The following PSD3 variants were observed in gnomAD, a reference collection of about 807,000 sequenced individuals.
The protein encoded by PSD3 is PH and SEC7 domain-containing protein 3.
A neutral mutation model predicts 105.5 loss-of-function variants in PSD3; 49 were observed. The ratio of observed to expected loss-of-function variants is 0.46; its 90% confidence interval spans 0.37 to 0.59. The LOEUF (loss-of-function observed/expected upper bound fraction) is 0.59. Among genes scored for constraint, PSD3 ranks in the 20% least tolerant of loss-of-function variants. The pLI is 0.00. For synonymous variants in PSD3, 557 were observed against 457.8 expected (o/e 1.22, Z -2.77); for missense variants, 1,561 against 1,263.8 (o/e 1.24, Z -3.57).
At chr8:18,609,323 T>C (rs1805086060) in intron 11 of PSD3, among the ~76,000 whole-genome samples, 1 of 152,194 alleles carries the variant, frequency 6.6e-6, no homozygotes, top group South Asian at 2.1e-4. Context: ...GGGGATGAGG[T>C]AGTTCTAATG....
chr8:19,072,248 C>T lies in PSD3; in HGVS notation c.324+11958G>A, dbSNP rs574545537. On this transcript the variant is annotated intron_variant, in intron 1 of 1. Coordinates refer to the PSD3 transcript ENST00000521475. ...TCCCCAGTAGCTTGGGTTACAGGTG[C>T]CCGCCACCACGCCCAGCTAACTTTC... Among the ~76,000 whole-genome samples the T allele has an allele frequency of 3.3e-5, 5 of 151,924 alleles. No individual in the cohort carries two copies. The South Asian group carries it at 1.0e-3, about 32-fold the overall frequency.
Position 18,826,294 on chromosome 8 carries a change from C to A in PSD3, c.1635-21396G>T, listed in dbSNP as rs373823164. Among the ~76,000 whole-genome samples, 119 of 152,286 alleles carry A rather than the reference C, an allele frequency of 7.8e-4. 2 individuals carry two copies. In the South Asian group the frequency reaches 0.025, roughly 31 times the overall value. On this transcript the variant is annotated intron_variant, in intron 4 of 15. Transcript: ENST00000327040. ...TGGGACTTCTTGGCCTCCGTAATCA[C>A]GTGAACCAATTCCCTATAATGAATC...
chr8:19,036,456 T>C (rs1827947033), intron 1 of PSD3, among the ~76,000 whole-genome samples: 1 of 152,170 alleles, frequency 6.6e-6, no homozygotes, highest in Non-Finnish European at 1.5e-5. Flanking sequence ...TATCATACAA[T>C]TTAGAAGCAG....
intron 1 of PSD3, among the ~76,000 whole-genome samples, chr8:19,024,016 G>T (rs1827454877): frequency 6.6e-6 from 1 of 152,094 alleles, no homozygotes; most frequent in Non-Finnish European, 1.5e-5. Flanking sequence ...TCTGTTTCAT[G>T]CCTGAAAAAT....
intron 4 of PSD3, among the ~76,000 whole-genome samples, chr8:18,851,521 G>A (rs1001960843): frequency 5.9e-5 from 9 of 152,242 alleles, no homozygotes; most frequent in Non-Finnish European, 1.2e-4. Context: ...TACGAGGCAA[G>A]CTCTTCGCTC....
chr8:18,867,394 T>A (rs1186439427), intron 4 of PSD3, among the ~76,000 whole-genome samples: 1 of 152,212 alleles, frequency 6.6e-6, no homozygotes, highest in Non-Finnish European at 1.5e-5. Context: ...TCGGAGCTGA[T>A]AACCTCACTC....
At chr8:18,720,874 T>C (rs1212084388) in intron 9 of PSD3, 1 of 152,112 alleles carries the variant, frequency 6.6e-6, no homozygotes, top group Non-Finnish European at 1.5e-5. Flanking sequence ...GCCTTAAAGG[T>C]TTTATTTTTT....
At chr8:18,698,517 G>T (rs1260477692) in intron 9 of PSD3, among the ~76,000 whole-genome samples, 2 of 152,070 alleles carry the variant, frequency 1.3e-5, no homozygotes, top group Admixed American at 1.3e-4. Flanking sequence ...GAGAAAGGGG[G>T]TCATGAATCA....
At chr8:18,757,517 T>C (rs577373270) in intron 9 of PSD3, among the ~76,000 whole-genome samples, 2 of 152,216 alleles carry the variant, frequency 1.3e-5, no homozygotes, top group South Asian at 2.1e-4. Flanking sequence ...GATTCTACTC[T>C]TTGTTTCTTT....
chr8:18,792,544 T>C (rs1418516805), intron 8 of PSD3, among the ~76,000 whole-genome samples: 2 of 152,034 alleles, frequency 1.3e-5, no homozygotes, highest in African/African-American at 4.8e-5. Flanking sequence ...GCAGAACAGC[T>C]CACAGTGGGG....
At chr8:18,750,992 C>T (rs1034858760) in intron 9 of PSD3, among the ~76,000 whole-genome samples, 1 of 152,154 alleles carries the variant, frequency 6.6e-6, no homozygotes, top group Non-Finnish European at 1.5e-5. Flanking sequence ...CAGTGGATCC[C>T]GCACCGGGGC....
intron 4 of PSD3, among the ~76,000 whole-genome samples, chr8:18,848,800 G>A (rs1052631635): frequency 3.3e-5 from 5 of 152,298 alleles, no homozygotes; most frequent in African/African-American, 7.2e-5. Context: ...ATGCAGAGAC[G>A]GTGGGGATTA....
chr8:18,713,116 G>C (rs997419326), intron 9 of PSD3, among the ~76,000 whole-genome samples: 2 of 151,988 alleles, frequency 1.3e-5, no homozygotes, highest in African/African-American at 4.8e-5. Flanking sequence ...AATAAACTAG[G>C]TATTGAAGGA....
At chr8:18,964,984 T>A (rs912372903) in intron 1 of PSD3, among the ~76,000 whole-genome samples, 5 of 152,250 alleles carry the variant, frequency 3.3e-5, no homozygotes, top group African/African-American at 9.6e-5. Flanking sequence ...CATGACCAAC[T>A]TATTCTTCAC....
At chr8:18,976,725 T>C (rs895153040) in intron 1 of PSD3, among the ~76,000 whole-genome samples, 3 of 152,254 alleles carry the variant, frequency 2.0e-5, no homozygotes, top group African/African-American at 7.2e-5. Flanking sequence ...GATCGTACTA[T>C]GTAGCAGGCA....
chr8:18,842,777 T>C (rs1008185117), intron 4 of PSD3, among the ~76,000 whole-genome samples: 8 of 151,982 alleles, frequency 5.3e-5, no homozygotes, highest in African/African-American at 1.9e-4. Flanking sequence ...AGACTATTAA[T>C]ATTCAGTGAA....
chr8:18,734,883 A>G (rs1004857365), intron 9 of PSD3, among the ~76,000 whole-genome samples: 2 of 152,236 alleles, frequency 1.3e-5, no homozygotes, highest in African/African-American at 4.8e-5. Context: ...CAGCAATACC[A>G]TTACAAAGGC....
intron 12 of PSD3, among the ~76,000 whole-genome samples, chr8:18,595,097 A>G (rs1209682091): frequency 6.6e-6 from 1 of 152,030 alleles, no homozygotes; most frequent in Non-Finnish European, 1.5e-5. Flanking sequence ...GGAACAGAAT[A>G]CAAAAGGATA....
At chr8:18,647,977 C>T (rs929079691) in intron 10 of PSD3, among the ~76,000 whole-genome samples, 3 of 152,204 alleles carry the variant, frequency 2.0e-5, no homozygotes, top group Non-Finnish European at 4.4e-5. Flanking sequence ...AGAAGCTGAG[C>T]AGATGCCAGC....
Sources: gnomAD v4.1 joint callset for allele counts (sites outside exome capture counted in the v4.1 genomes callset) on GRCh38, gnomAD v4.1.1 for gene constraint, MANE v1.5 for transcripts, NCBI Gene and HGNC (gene_info 2026-07-23, HGNC 2026-07-21) for gene names.